Variants in MLLT10 observed in about 807,000 individuals in gnomAD.
MLLT10 encodes protein AF-10.
MLLT10 carries 30 observed loss-of-function variants against 129.1 expected under a neutral mutation model. That is an observed-to-expected ratio of 0.23 (90% CI 0.17 to 0.32). The LOEUF is 0.32. Ranked by LOEUF, MLLT10 falls within the 10% of genes least tolerant of loss-of-function variation. The probability of loss-of-function intolerance (pLI) is 1.00; values close to 1 mark genes in which losing one functional copy is unlikely to be tolerated. For synonymous variants in MLLT10, 490 were observed against 446.4 expected (o/e 1.10, Z -1.23); for missense variants, 1,119 against 1,268.3 (o/e 0.88, Z 1.79).
intron 9 of MLLT10, chr10:21,668,902 T>G: frequency 8.4e-7 from 1 of 1,189,796 alleles, no homozygotes; most frequent in Non-Finnish European, 1.1e-6. Context: ...TTAGATGACT[T>G]TTAAACTTCA....
At chr10:21,656,648 T>G (rs543588431) in intron 9 of MLLT10, among the ~76,000 whole-genome samples, 10 of 152,342 alleles carry the variant, frequency 6.6e-5, no homozygotes, top group African/African-American at 2.2e-4. Flanking sequence ...AACTAGAAAT[T>G]AGCAACAAGT....
At position 21,534,319 on chromosome 10, in the gene MLLT10, CCAGTGCG is replaced by C; in HGVS notation, c.-200_-194del. 2.5e-6 allele frequency: 1 copy of C among 395,616 alleles called. No individual in the cohort carries two copies. The highest frequency in any genetic ancestry group is 4.5e-6 in the Non-Finnish European group (1 of 222,936). 24.5% of individuals were successfully genotyped at this position (395,616 alleles called of 1,614,324 possible). ...GGCCCAGCGGGAGCCCCCCCTCCCC[CCAGTGCG>C]CCTGTGCGGAGGCCCTCTTGATTAT... On this transcript the variant is annotated 5_prime_UTR_variant, in exon 1 of 23. Transcript: ENST00000307729.
intron 9 of MLLT10, among the ~76,000 whole-genome samples, chr10:21,655,380 C>A (rs2049463736): frequency 6.6e-6 from 1 of 152,100 alleles, no homozygotes; most frequent in African/African-American, 2.4e-5. Context: ...AATACTCAGA[C>A]CTTTGTTGCT....
At chr10:21,612,657 G>T (rs367650955) in intron 6 of MLLT10, among the ~76,000 whole-genome samples, 3 of 152,086 alleles carry the variant, frequency 2.0e-5, no homozygotes, top group Non-Finnish European at 4.4e-5. Flanking sequence ...GTGGACTCTG[G>T]TTCTGATGTT....
At chr10:21,563,069 C>T (rs1449066079) in intron 3 of MLLT10, among the ~76,000 whole-genome samples, 1 of 152,016 alleles carries the variant, frequency 6.6e-6, no homozygotes, top group Non-Finnish European at 1.5e-5. Flanking sequence ...CTGGTGCTTC[C>T]TATTGCACCA....
chr10:21,614,189 G>C (rs989602717), intron 6 of MLLT10, among the ~76,000 whole-genome samples: 12 of 138,412 alleles, frequency 8.7e-5, no homozygotes, highest in Non-Finnish European at 1.5e-4. Flanking sequence ...CTGCACTCCA[G>C]CCTGGGTGAC....
At chr10:21,708,381 A>G (rs916859828) in intron 13 of MLLT10, among the ~76,000 whole-genome samples, 5 of 152,352 alleles carry the variant, frequency 3.3e-5, no homozygotes, top group South Asian at 2.1e-4. Context: ...ATGACTTAAG[A>G]TGAAAATAGA....
At chr10:21,615,160 A>G (rs1163667195) in intron 7 of MLLT10, among the ~76,000 whole-genome samples, 1 of 152,074 alleles carries the variant, frequency 6.6e-6, no homozygotes, top group South Asian at 2.1e-4. Context: ...CTCATTTAGA[A>G]TATATATTAA....
At chr10:21,560,261 C>T (rs920394936) in intron 3 of MLLT10, among the ~76,000 whole-genome samples, 28 of 152,270 alleles carry the variant, frequency 1.8e-4, no homozygotes, top group African/African-American at 4.8e-4. Context: ...CGGGCTGGGC[C>T]TCCCAAAGTG....
At chr10:21,616,976 TAGATTGA>T (rs1427992978) in intron 7 of MLLT10, 129 bp from the exon 8 acceptor site, 1 of 332,380 alleles carries the variant, frequency 3.0e-6, no homozygotes, top group Non-Finnish European at 5.6e-6. Context: ...CTGGATTATA[TAGATTGA>T]AATAGACTTA....
chr10:21,707,189 ATTTTTTT>A (rs1199544245), intron 13 of MLLT10, among the ~76,000 whole-genome samples: 4 of 122,500 alleles, frequency 3.3e-5, no homozygotes, highest in East Asian at 4.6e-4. Flanking sequence ...AGTTTAGATG[ATTTTTTT>A]TTTTTTTTTT....
chr10:21,708,452 C>A, intron 13 of MLLT10: 1 of 487,796 alleles, frequency 2.1e-6, no homozygotes, highest in Non-Finnish European at 2.7e-6. Flanking sequence ...CCAGTCCTAC[C>A]TGAGGAGCAA....
intron 14 of MLLT10, among the ~76,000 whole-genome samples, chr10:21,725,126 G>A (rs2057390104): frequency 6.6e-6 from 1 of 152,220 alleles, no homozygotes; most frequent in Admixed American, 6.5e-5. Flanking sequence ...TAACAAAATA[G>A]TGTGCAGGTT....
intron 3 of MLLT10, chr10:21,557,092 ATTCTGCTTTCCATTTACATT>A: frequency 1.4e-6 from 2 of 1,405,552 alleles, no homozygotes; most frequent in Non-Finnish European, 1.8e-6. Flanking sequence ...CATCTCATGA[ATTCTGCTTTCCATTTACATT>A]TTTGCCCTTT....
intron 4 of MLLT10, among the ~76,000 whole-genome samples, chr10:21,586,712 C>T (rs2042017945): frequency 6.6e-6 from 1 of 151,884 alleles, no homozygotes; most frequent in Non-Finnish European, 1.5e-5. Context: ...CATAGTGAAA[C>T]CTGGTTTCTA....
At chr10:21,685,480 G>A (rs955867501) in intron 13 of MLLT10, among the ~76,000 whole-genome samples, 7 of 151,914 alleles carry the variant, frequency 4.6e-5, no homozygotes, top group African/African-American at 9.7e-5. Flanking sequence ...GATTACAGGC[G>A]CCCACCACCA....
intron 16 of MLLT10, among the ~76,000 whole-genome samples, chr10:21,730,166 C>T (rs2057843277): frequency 1.3e-5 from 2 of 151,920 alleles, no homozygotes; most frequent in South Asian, 4.2e-4. Context: ...GTAGTGTGTG[C>T]TCTTGTGGTC....
chr10:21,584,157 C>A (rs1032867135), intron 3 of MLLT10, among the ~76,000 whole-genome samples: 1 of 150,838 alleles, frequency 6.6e-6, no homozygotes, highest in African/African-American at 2.4e-5. Context: ...CGTCAGCCAC[C>A]GCGCCCAGCC....
chr10:21,733,611 T>C lies in MLLT10; in HGVS notation c.2496+19T>C, dbSNP rs1418140871. 1 of 1,507,486 alleles carries C rather than the reference T, an allele frequency of 6.6e-7. No individual in the cohort carries two copies. Among genetic ancestry groups the C allele is most frequent in the East Asian group, 2.3e-5 (1 of 43,722 alleles). The allele number at this position is 1,507,486 out of a possible 1,614,324, so 93.4% of individuals were successfully genotyped here. A position where few individuals can be genotyped will look rare whatever the true frequency, so the allele number is the denominator to read the frequency against. ...AAATCAGGTAATTTTTGTATGGTTA[T>C]TTTCATCTATGTTGATTTACTTGTG... On this transcript the variant is annotated intron_variant, in intron 19 of 22. Coordinates refer to ENST00000307729, the MANE Select transcript of MLLT10 (RefSeq NM_001195626.3).
Sources: allele counts gnomAD v4.1 joint callset (sites outside exome capture counted in the v4.1 genomes callset), GRCh38; gene constraint gnomAD v4.1.1; transcripts MANE v1.5; gene names NCBI Gene and HGNC (gene_info 2026-07-23, HGNC 2026-07-21).